The following DLG2 variants were observed in gnomAD, a reference collection of about 807,000 sequenced individuals.
DLG2 encodes the protein discs large MAGUK scaffold protein 2.
In DLG2, 45 loss-of-function variants were observed where a neutral mutation model predicts 132.5. The ratio of observed to expected loss-of-function variants is 0.34; its 90% confidence interval spans 0.27 to 0.44. DLG2 has a LOEUF of 0.44. Ranked by LOEUF, DLG2 falls within the 20% of genes least tolerant of loss-of-function variation. The probability of loss-of-function intolerance (pLI) is 1.00; values close to 1 mark genes in which losing one functional copy is unlikely to be tolerated. For missense variants in DLG2, 1,045 were observed against 1,196.9 expected (o/e 0.87, Z 1.87); for synonymous variants, 424 against 419.6 (o/e 1.01, Z -0.13).
intron 18 of DLG2, among the ~76,000 whole-genome samples, chr11:83,674,819 A>C (rs185211258): frequency 3.7e-4 from 56 of 152,344 alleles, no homozygotes; most frequent in African/African-American, 1.2e-3. Flanking sequence ...GGCAAGAAGA[A>C]ATATACTTTG....
At chr11:85,211,640 AC>A (rs2082263599) in intron 4 of DLG2, among the ~76,000 whole-genome samples, 1 of 152,126 alleles carries the variant, frequency 6.6e-6, no homozygotes, top group South Asian at 2.1e-4. Flanking sequence ...CCCTAGGAAA[AC>A]AATCTGTGAA....
chr11:84,283,074 G>T (rs2097868996), intron 7 of DLG2, among the ~76,000 whole-genome samples: 1 of 152,192 alleles, frequency 6.6e-6, no homozygotes, highest in South Asian at 2.1e-4. Context: ...TGGAGGGTGA[G>T]GTCCTCTATC....
At chr11:85,433,339 G>A (rs1303886390) in intron 3 of DLG2, among the ~76,000 whole-genome samples, 1 of 152,168 alleles carries the variant, frequency 6.6e-6, no homozygotes, top group African/African-American at 2.4e-5. Flanking sequence ...ATGTAGATGG[G>A]CTAAATGCCC....
intron 7 of DLG2, among the ~76,000 whole-genome samples, chr11:84,291,480 G>A (rs2097997045): frequency 6.6e-6 from 1 of 152,098 alleles, no homozygotes; most frequent in Non-Finnish European, 1.5e-5. Flanking sequence ...GAAAAAGTCA[G>A]TATTAAAGTC....
At chr11:85,466,136 C>A (rs2092780400) in intron 3 of DLG2, among the ~76,000 whole-genome samples, 1 of 152,128 alleles carries the variant, frequency 6.6e-6, no homozygotes, top group Admixed American at 6.5e-5. Context: ...ATCCTTTGCC[C>A]ACTTTTTGAT....
intron 12 of DLG2, among the ~76,000 whole-genome samples, chr11:83,975,217 T>C (rs1416943489): frequency 6.6e-6 from 1 of 152,000 alleles, no homozygotes; most frequent in African/African-American, 2.4e-5. Context: ...TATGAAAGAA[T>C]TTAAAAATCT....
At chr11:84,327,802 T>C (rs1304500430) in intron 7 of DLG2, among the ~76,000 whole-genome samples, 1 of 152,236 alleles carries the variant, frequency 6.6e-6, no homozygotes, top group Non-Finnish European at 1.5e-5. Flanking sequence ...TATGGTTATT[T>C]TTATACTTTT....
At chr11:84,883,127 C>G (rs914984625) in intron 6 of DLG2, among the ~76,000 whole-genome samples, 1 of 152,028 alleles carries the variant, frequency 6.6e-6, no homozygotes, top group Non-Finnish European at 1.5e-5. Context: ...TACTATGCAG[C>G]CATAAAAAAG....
intron 2 of DLG2, among the ~76,000 whole-genome samples, chr11:85,614,449 T>C (rs564744225): frequency 1.3e-5 from 2 of 152,202 alleles, no homozygotes; most frequent in African/African-American, 4.8e-5. Flanking sequence ...AAGACCAGCC[T>C]GACCAACATG....
chr11:84,206,765 A>G (rs2096671520), intron 8 of DLG2, among the ~76,000 whole-genome samples: 1 of 152,016 alleles, frequency 6.6e-6, no homozygotes, highest in South Asian at 2.1e-4. Flanking sequence ...ATTATAATGG[A>G]CAAAGAAAAT....
At chr11:84,737,552 T>C (rs1174095558) in intron 6 of DLG2, among the ~76,000 whole-genome samples, 2 of 151,658 alleles carry the variant, frequency 1.3e-5, no homozygotes, top group Non-Finnish European at 1.5e-5. Flanking sequence ...TATTTTTGTG[T>C]GTGGGAAGGT....
rs7103592 is a variant in DLG2, at chr11:83,791,021, T to A, written c.1723-4229A>T. The stretch of plus-strand genomic sequence containing the variant: ...CCGAGCTTTTCAGTGAATTGGCTTG[T>A]TCCTGGCACGCGGTCTCAGACTGAA... On this transcript the variant is annotated intron_variant, in intron 17 of 27. Coordinates refer to ENST00000376104, the MANE Select transcript of DLG2 (RefSeq NM_001142699.3). 6.7e-4 allele frequency: 510 copies of A among 766,778 alleles called. 3 individuals are homozygous for A. Among genetic ancestry groups the A allele is most frequent in the African/African-American group, 5.5e-3 (317 of 57,424 alleles). 47.5% of individuals were successfully genotyped at this position (766,778 alleles called of 1,614,324 possible). A position where few individuals can be genotyped will look rare whatever the true frequency, so the allele number is the denominator to read the frequency against.
chr11:83,459,773 T>C lies in DLG2; in HGVS notation c.*45A>G. On this transcript the variant is annotated 3_prime_UTR_variant, in exon 28 of 28. Transcript: ENST00000376104. ...AAGTAGTATGTTATATATATTTTGTTCTTCTAAATGCTCTTCTGTCGTTGT... is the reference window on the plus strand; with the variant it reads ...AAGTAGTATGTTATATATATTTTGTCCTTCTAAATGCTCTTCTGTCGTTGT... 1 of 1,037,108 alleles carries C rather than the reference T, an allele frequency of 9.6e-7. No individual in the cohort carries two copies. Among genetic ancestry groups the C allele is most frequent in the South Asian group, 1.3e-5 (1 of 78,208 alleles). 64.2% of individuals were successfully genotyped at this position (1,037,108 alleles called of 1,614,324 possible). A position where few individuals can be genotyped will look rare whatever the true frequency, so the allele number is the denominator to read the frequency against.
At chr11:83,670,481 A>T (rs1007519542) in intron 18 of DLG2, among the ~76,000 whole-genome samples, 1 of 152,118 alleles carries the variant, frequency 6.6e-6, no homozygotes, top group Non-Finnish European at 1.5e-5. Context: ...TTGCAATTTA[A>T]TATCAGGAAT....
intron 8 of DLG2, among the ~76,000 whole-genome samples, chr11:84,245,047 C>T (rs2097284450): frequency 6.6e-6 from 1 of 152,204 alleles, no homozygotes; most frequent in African/African-American, 2.4e-5. Context: ...GAGCTCTTGT[C>T]CTCAGCTTCC....
At chr11:83,501,350 A>G (rs1008986396) in intron 21 of DLG2, among the ~76,000 whole-genome samples, 4 of 152,114 alleles carry the variant, frequency 2.6e-5, no homozygotes, top group Non-Finnish European at 4.4e-5. Flanking sequence ...TCTAGGGTCC[A>G]TAGATGGAAG....
chr11:84,511,752 G>A (rs543716150), intron 7 of DLG2, among the ~76,000 whole-genome samples: 6 of 152,236 alleles, frequency 3.9e-5, no homozygotes, highest in Middle Eastern at 3.4e-3. Flanking sequence ...CTGCCTCAGT[G>A]CTTTCAAGAC....
intron 6 of DLG2, among the ~76,000 whole-genome samples, chr11:85,058,142 T>A (rs191340760): frequency 1.2e-3 from 183 of 151,624 alleles, no homozygotes; most frequent in Non-Finnish European, 1.7e-3. Flanking sequence ...ATTATTTACA[T>A]AGTAAATCCA....
chr11:83,642,743 T>G (rs948422321), intron 18 of DLG2, among the ~76,000 whole-genome samples: 2 of 152,310 alleles, frequency 1.3e-5, no homozygotes, highest in East Asian at 3.9e-4. Flanking sequence ...TGATGTATTA[T>G]TATTTTTTAA....
Sources: gnomAD v4.1 joint callset for allele counts (sites outside exome capture counted in the v4.1 genomes callset) on GRCh38, gnomAD v4.1.1 for gene constraint, MANE v1.5 for transcripts, NCBI Gene and HGNC (gene_info 2026-07-23, HGNC 2026-07-21) for gene names.